The following TBC1D5 variants were observed in gnomAD, a reference collection of about 807,000 sequenced individuals.
TBC1D5 encodes TBC1 domain family member 5.
In TBC1D5, 75 loss-of-function variants were observed where a neutral mutation model predicts 100.3. That is an observed-to-expected ratio of 0.75 (90% CI 0.62 to 0.91). The LOEUF is 0.91. Among genes scored for constraint, TBC1D5 ranks in the 40% least tolerant of loss-of-function variants. The pLI is 0.00. For synonymous variants in TBC1D5, 323 were observed against 325.6 expected, an observed-to-expected ratio of 0.99 and a Z score of 0.09; for missense variants, 910 against 942.4, an observed-to-expected ratio of 0.97 and a Z score of 0.45.
At chr3:17,197,273 C>T (rs2070820183) in intron 18 of TBC1D5, among the ~76,000 whole-genome samples, 1 of 152,306 alleles carries the variant, frequency 6.6e-6, no homozygotes, top group Admixed American at 6.5e-5. Context: ...CACTCTACCA[C>T]TTTTATTAGG....
At chr3:17,352,683 C>CAAAAAAAAAAAAAAAAAAA (rs1363926293) in intron 13 of TBC1D5, among the ~76,000 whole-genome samples, 49 of 94,908 alleles carry the variant, frequency 5.2e-4, no homozygotes, top group Middle Eastern at 6.2e-3. Context: ...AAGCAAAAGG[C>CAAAAAAAAAAAAAAAAAAA]AAAAAAAAAA....
At chr3:17,571,465 T>A (rs575598684) in intron 2 of TBC1D5, among the ~76,000 whole-genome samples, 1 of 152,162 alleles carries the variant, frequency 6.6e-6, no homozygotes, top group African/African-American at 2.4e-5. Flanking sequence ...ATTCCTGAAC[T>A]CTCAGTACAA....
chr3:17,614,357 C>T (rs775257527), intron 2 of TBC1D5, among the ~76,000 whole-genome samples: 7 of 152,190 alleles, frequency 4.6e-5, no homozygotes, highest in Non-Finnish European at 1.0e-4. Context: ...TTACGATTGT[C>T]TTCGCAATGC....
At position 17,601,811 on chromosome 3, in the gene TBC1D5, C is replaced by A. The variant is rs907885547; in HGVS notation, c.-36+22038G>T. ...GTAAACTAACTTATTTAATATCACA[C>A]AGTTAATAAGTGGGTTTTTTTTATT... is the stretch of plus-strand genomic sequence containing the variant. On this transcript the variant is annotated intron_variant, in intron 2 of 21. Transcript: ENST00000253692. Among the ~76,000 whole-genome samples the A allele has an allele frequency of 3.9e-5, 6 of 152,076 alleles. No individual in the cohort carries two copies. In the East Asian group the frequency reaches 1.2e-3, roughly 29 times the overall value.
intron 3 of TBC1D5, among the ~76,000 whole-genome samples, chr3:17,465,836 T>C (rs2095291637): frequency 6.6e-6 from 1 of 152,194 alleles, no homozygotes; most frequent in African/African-American, 2.4e-5. Flanking sequence ...ATATCCAAAT[T>C]CAAAATTTTT....
At chr3:17,220,640 GT>G (rs1230928915) in intron 17 of TBC1D5, among the ~76,000 whole-genome samples, 1 of 151,944 alleles carries the variant, frequency 6.6e-6, no homozygotes, top group East Asian at 1.9e-4. Flanking sequence ...ATAAATCTAG[GT>G]TTTTCATTTG....
exon 13 of TBC1D5, chr3:17,372,183 G>C: frequency 1.2e-6 from 2 of 1,613,726 alleles, no homozygotes; most frequent in Non-Finnish European, 1.7e-6. Flanking sequence ...AGTAACAATA[G>C]CAATTGTTGG....
intron 13 of TBC1D5, among the ~76,000 whole-genome samples, chr3:17,363,558 CT>C (rs1285283979): frequency 6.7e-6 from 1 of 150,060 alleles, no homozygotes; most frequent in African/African-American, 2.4e-5. Flanking sequence ...TTTTTCTTTC[CT>C]TTTTCTTTCT....
At chr3:17,738,563 T>C (rs1198757349) in intron 1 of TBC1D5, among the ~76,000 whole-genome samples, 1 of 152,194 alleles carries the variant, frequency 6.6e-6, no homozygotes, top group Non-Finnish European at 1.5e-5. Flanking sequence ...TATTAATAGC[T>C]GAAAATACCA....
At chr3:17,251,430 C>G (rs930289134) in intron 16 of TBC1D5, among the ~76,000 whole-genome samples, 7 of 141,304 alleles carry the variant, frequency 5.0e-5, no homozygotes, top group Admixed American at 2.1e-4. Flanking sequence ...CGGGAACCCC[C>G]CCCCCCCCAG....
intron 17 of TBC1D5, among the ~76,000 whole-genome samples, chr3:17,231,781 T>C (rs1023035610): frequency 6.6e-6 from 1 of 152,178 alleles, no homozygotes; most frequent in Admixed American, 6.6e-5. Context: ...TCTATCATTG[T>C]CAAAATCATC....
rs567608077 is a variant in TBC1D5 at position 17,237,851 on chromosome 3, T to C, written c.1588+312A>G. 1.3e-5 allele frequency among the ~76,000 whole-genome samples: 2 copies of C among 152,308 alleles called. 1 individual carries two copies. The highest frequency in any genetic ancestry group is 4.1e-4 in the South Asian group (2 of 4,828). On this transcript the variant is annotated intron_variant, in intron 17 of 21. Coordinates refer to ENST00000253692, the Ensembl canonical transcript of TBC1D5. ...TCCTTTCTAGTGAGAAGCATTACTA[T>C]ACAAAGTTAGCAGAGAACACAGTCA...
intron 1 of TBC1D5, among the ~76,000 whole-genome samples, chr3:17,659,896 T>G (rs1425063741): frequency 6.6e-6 from 1 of 152,198 alleles, no homozygotes; most frequent in Non-Finnish European, 1.5e-5. Flanking sequence ...ACAATTATAC[T>G]TTAATACTTG....
intron 2 of TBC1D5, among the ~76,000 whole-genome samples, chr3:17,540,344 G>A (rs1047755054): frequency 1.3e-5 from 2 of 152,090 alleles, no homozygotes; most frequent in Non-Finnish European, 2.9e-5. Context: ...TTTTCATGTA[G>A]TCCTCTATGT....
intron 13 of TBC1D5, among the ~76,000 whole-genome samples, chr3:17,365,813 C>G (rs367947860): frequency 8.5e-5 from 13 of 152,304 alleles, no homozygotes; most frequent in African/African-American, 2.9e-4. Flanking sequence ...GATGCCTCAG[C>G]TTTCTACCAC....
rs575419195 is a variant in TBC1D5 at position 17,668,201 on chromosome 3, A to G, written c.-100-44288T>C. Among the ~76,000 whole-genome samples, 455 of 149,712 alleles carry G rather than the reference A, an allele frequency of 3.0e-3. 4 individuals carry two copies. The highest frequency in any genetic ancestry group is 0.01 in the African/African-American group (431 of 41,072). The stretch of plus-strand genomic sequence containing the variant: ...TATATATATATCTTAAATCTCCCAC[A>G]TATTCAGAGCATAGGGAAAGAAATG... On this transcript the variant is annotated intron_variant, in intron 1 of 21. Coordinates refer to ENST00000253692, the Ensembl canonical transcript of TBC1D5.
chr3:17,272,852 C>T (rs1455447864), intron 15 of TBC1D5, among the ~76,000 whole-genome samples: 4 of 152,144 alleles, frequency 2.6e-5, no homozygotes, highest in African/African-American at 4.8e-5. Context: ...AAAAACTGAA[C>T]ATATTACTTT....
At chr3:17,543,341 G>C in intron 2 of TBC1D5, among the ~76,000 whole-genome samples, 1 of 152,104 alleles carries the variant, frequency 6.6e-6, no homozygotes, top group East Asian at 1.9e-4. Context: ...AACAATATTA[G>C]AAAGGAAAAG....
chr3:17,407,676 A>G (rs1553734848), intron 4 of TBC1D5, among the ~76,000 whole-genome samples: 1 of 152,142 alleles, frequency 6.6e-6, no homozygotes, highest in Non-Finnish European at 1.5e-5. Context: ...TTCTCCAGAA[A>G]AGAAGTTCCA....
Sources: gnomAD v4.1 joint callset for allele counts (sites outside exome capture counted in the v4.1 genomes callset) on GRCh38, gnomAD v4.1.1 for gene constraint, MANE v1.5 for transcripts, NCBI Gene and HGNC (gene_info 2026-07-23, HGNC 2026-07-21) for gene names.